Variants in ARL15 observed in about 807,000 individuals in gnomAD.
ARL15 encodes the protein ARF like GTPase 15.
A neutral mutation model predicts 25.2 loss-of-function variants in ARL15; 19 were observed. That is an observed-to-expected ratio of 0.75 (90% CI 0.53 to 1.10). ARL15 has a LOEUF of 1.10. ARL15 is among the 50% of genes least tolerant of loss of function. The pLI is 0.00. For synonymous variants in ARL15, 94 were observed against 86.8 expected, an observed-to-expected ratio of 1.08 and a Z score of -0.46; for missense variants, 220 against 246.0, an observed-to-expected ratio of 0.89 and a Z score of 0.71.
intron 1 of ARL15, among the ~76,000 whole-genome samples, chr5:54,190,597 G>A (rs976858897): frequency 6.6e-6 from 1 of 152,174 alleles, no homozygotes; most frequent in African/African-American, 2.4e-5. Flanking sequence ...GCAGAAGACA[G>A]AAGGATGAAA....
intron 3 of ARL15, among the ~76,000 whole-genome samples, chr5:54,132,513 C>T (rs1452156403): frequency 6.6e-6 from 1 of 151,814 alleles, no homozygotes; most frequent in African/African-American, 2.4e-5. Context: ...AAAGGAGATA[C>T]AAACATAAAG....
At chr5:53,888,923 C>T (rs918304497) in intron 4 of ARL15, among the ~76,000 whole-genome samples, 3 of 152,166 alleles carry the variant, frequency 2.0e-5, no homozygotes, top group African/African-American at 7.2e-5. Context: ...TATCACTGAG[C>T]TCAGAAATTG....
intron 1 of ARL15, among the ~76,000 whole-genome samples, chr5:54,224,895 T>G (rs1756477016): frequency 6.6e-6 from 1 of 152,100 alleles, no homozygotes; most frequent in Non-Finnish European, 1.5e-5. Context: ...ACACAAGCAC[T>G]CAGGTGGGAA....
At chr5:54,253,422 G>A (rs1579954044) in intron 1 of ARL15, among the ~76,000 whole-genome samples, 1 of 152,196 alleles carries the variant, frequency 6.6e-6, no homozygotes, top group East Asian at 1.9e-4. Flanking sequence ...AGGGAGCTGG[G>A]AGTAGAGGTT....
chr5:54,289,686 G>C (rs10077245), intron 1 of ARL15, among the ~76,000 whole-genome samples: 2 of 152,156 alleles, frequency 1.3e-5, no homozygotes, highest in Admixed American at 1.3e-4. Flanking sequence ...CTATTTGTAG[G>C]AGCTTGGGCA....
At chr5:54,184,483 G>C (rs1362039449) in intron 1 of ARL15, among the ~76,000 whole-genome samples, 1 of 139,004 alleles carries the variant, frequency 7.2e-6, no homozygotes, top group Non-Finnish European at 1.6e-5. Context: ...GAGAGAGAGA[G>C]ACTAGGTTCC....
chr5:53,928,790 G>A (rs1355284915), intron 4 of ARL15, among the ~76,000 whole-genome samples: 1 of 152,172 alleles, frequency 6.6e-6, no homozygotes, highest in African/African-American at 2.4e-5. Flanking sequence ...GAGCTTCTGT[G>A]CTGTCTTTTC....
chr5:54,078,471 G>T (rs539744486), intron 4 of ARL15, among the ~76,000 whole-genome samples: 18 of 152,178 alleles, frequency 1.2e-4, no homozygotes, highest in Non-Finnish European at 2.2e-4. Flanking sequence ...ACTCCTTCGG[G>T]GTAAATTTTA....
chr5:53,928,179 G>A (rs1027847307), intron 4 of ARL15, among the ~76,000 whole-genome samples: 4 of 152,136 alleles, frequency 2.6e-5, no homozygotes, highest in African/African-American at 4.8e-5. Flanking sequence ...GTTAAGATTC[G>A]GATAGCTGAC....
intron 1 of ARL15, among the ~76,000 whole-genome samples, chr5:54,218,686 A>G (rs1401877942): frequency 6.6e-6 from 1 of 152,118 alleles, no homozygotes; most frequent in Non-Finnish European, 1.5e-5. Context: ...GTAAAATTCT[A>G]TACATACCAA....
chr5:53,886,414 C>A lies in ARL15; in HGVS notation c.*147G>T. 1.3e-6 allele frequency: 1 copy of A among 797,280 alleles called. No homozygotes were observed. The highest frequency in any genetic ancestry group is 3.0e-5 in the Admixed American group (1 of 32,862). 49.4% of individuals were successfully genotyped at this position (797,280 alleles called of 1,614,324 possible). ...TAATTCATCTGATCTACAGAATATT[C>A]ACTTTAATAGAGAGATGAGAGTCTG... On this transcript the variant is annotated 3_prime_UTR_variant, in exon 5 of 5. Coordinates refer to ENST00000504924, the MANE Select transcript of ARL15 (RefSeq NM_019087.3).
chr5:53,904,442 G>T (rs1162737883), intron 4 of ARL15, among the ~76,000 whole-genome samples: 1 of 152,140 alleles, frequency 6.6e-6, no homozygotes, highest in African/African-American at 2.4e-5. Flanking sequence ...TGAGTTCAAA[G>T]AACTTAATAA....
chr5:53,908,593 G>A (rs1022579089), intron 4 of ARL15, among the ~76,000 whole-genome samples: 1 of 152,202 alleles, frequency 6.6e-6, no homozygotes, highest in African/African-American at 2.4e-5. Flanking sequence ...CAACTGTAAA[G>A]GGTTTGGTAC....
At chr5:54,246,310 C>T (rs764213255) in intron 1 of ARL15, among the ~76,000 whole-genome samples, 5 of 152,114 alleles carry the variant, frequency 3.3e-5, no homozygotes, top group Admixed American at 6.5e-5. Context: ...CTCATCTACA[C>T]GATCCCTCCG....
intron 4 of ARL15, among the ~76,000 whole-genome samples, chr5:53,970,691 C>T (rs1223725106): frequency 6.6e-6 from 1 of 152,108 alleles, no homozygotes; most frequent in Admixed American, 6.6e-5. Flanking sequence ...GGCTGGAGGA[C>T]AAGTTGACTC....
chr5:53,977,354 CAAAAAAAA>C (rs397884651), intron 4 of ARL15, among the ~76,000 whole-genome samples: 2 of 90,272 alleles, frequency 2.2e-5, no homozygotes, highest in Non-Finnish European at 4.6e-5. Flanking sequence ...GACTCCGCCT[CAAAAAAAA>C]AAAAAAAAAA....
At chr5:54,100,358 T>C (rs1408191558) in intron 4 of ARL15, among the ~76,000 whole-genome samples, 1 of 152,112 alleles carries the variant, frequency 6.6e-6, no homozygotes, top group East Asian at 1.9e-4. Flanking sequence ...GCAGCTTTCA[T>C]GATTTGTTTC....
At chr5:54,040,391 G>A (rs764977039) in intron 4 of ARL15, among the ~76,000 whole-genome samples, 1 of 152,098 alleles carries the variant, frequency 6.6e-6, no homozygotes, top group African/African-American at 2.4e-5. Context: ...GTTAATAAGA[G>A]CAACAACAGG....
At chr5:54,105,368 A>C (rs2112192220) in intron 4 of ARL15, among the ~76,000 whole-genome samples, 1 of 152,264 alleles carries the variant, frequency 6.6e-6, no homozygotes, top group East Asian at 1.9e-4. Context: ...TGTGAAGATC[A>C]CCACTACAAC....
Sources: allele counts gnomAD v4.1 joint callset (sites outside exome capture counted in the v4.1 genomes callset), GRCh38; gene constraint gnomAD v4.1.1; transcripts MANE v1.5; gene names NCBI Gene and HGNC (gene_info 2026-07-23, HGNC 2026-07-21).